Variants in DISC1 observed in about 807,000 individuals in gnomAD.
DISC1 encodes the protein disrupted in schizophrenia 1 protein.
A neutral mutation model predicts 84.5 loss-of-function variants in DISC1; 57 were observed. The observed-to-expected ratio is 0.67, with a 90% CI of 0.55 to 0.84. The LOEUF is 0.84. DISC1 is among the 40% of genes least tolerant of loss of function. DISC1 has a pLI of 0.00. For synonymous variants in DISC1, 411 were observed against 415.2 expected, an observed-to-expected ratio of 0.99 and a Z score of 0.12; for missense variants, 1,000 against 1,057.8, an observed-to-expected ratio of 0.95 and a Z score of 0.76.
At chr1:231,690,671 A>G (rs1301736943) in intron 1 of DISC1, among the ~76,000 whole-genome samples, 1 of 152,342 alleles carries the variant, frequency 6.6e-6, no homozygotes, top group South Asian at 2.1e-4. Context: ...AAAATAAAAA[A>G]GAGGAAAAAA....
rs181059584 is a variant in DISC1 at position 231,690,632 on chromosome 1, G to A, written c.68-3194G>A. The stretch of plus-strand genomic sequence containing the variant: ...GATATGTAAGTGAGAATTGATTCTG[G>A]TCACAGGGGATGTCATAAGTTTCCT... On this transcript the variant is annotated intron_variant, in intron 1 of 12. Coordinates refer to ENST00000439617, the MANE Select transcript of DISC1 (RefSeq NM_018662.3). 5.1e-4 allele frequency among the ~76,000 whole-genome samples: 78 copies of A among 152,290 alleles called. 1 individual carries two copies. The highest frequency in any genetic ancestry group is 4.7e-3 in the Admixed American group (72 of 15,298).
chr1:231,750,245 G>A, intron 4 of DISC1, 169 bp downstream of exon 4: 2 of 1,422,182 alleles, frequency 1.4e-6, no homozygotes, highest in Non-Finnish European at 1.8e-6. Flanking sequence ...GTGAGAGATG[G>A]CCCATGTGGG....
intron 9 of DISC1, among the ~76,000 whole-genome samples, chr1:231,883,107 ATGT>A (rs1291901500): frequency 6.6e-6 from 1 of 152,100 alleles, no homozygotes; most frequent in East Asian, 1.9e-4. Context: ...GCAGAAAGAG[ATGT>A]GCAAGCGAAG....
At chr1:231,842,724 C>T (rs2083164159) in intron 9 of DISC1, among the ~76,000 whole-genome samples, 1 of 152,148 alleles carries the variant, frequency 6.6e-6, no homozygotes, top group Admixed American at 6.5e-5. Flanking sequence ...TGTTTCACTT[C>T]TGTGAGCCTC....
At chr1:231,861,758 C>G (rs934096086) in intron 9 of DISC1, among the ~76,000 whole-genome samples, 2 of 152,080 alleles carry the variant, frequency 1.3e-5, no homozygotes, top group Non-Finnish European at 2.9e-5. Context: ...TTAGTATGCT[C>G]TCTTATTTCT....
intron 10 of DISC1, among the ~76,000 whole-genome samples, chr1:231,990,637 A>T (rs1261620489): frequency 6.6e-6 from 1 of 152,122 alleles, no homozygotes; most frequent in Admixed American, 6.6e-5. Context: ...GTGGGCTGCC[A>T]TTCTTAAAGG....
At chr1:231,709,864 G>T (rs1402440576) in intron 3 of DISC1, among the ~76,000 whole-genome samples, 1 of 152,306 alleles carries the variant, frequency 6.6e-6, no homozygotes, top group East Asian at 1.9e-4. Flanking sequence ...GAGTCCGGTT[G>T]ATGAAGCAGA....
intron 8 of DISC1, among the ~76,000 whole-genome samples, chr1:231,805,466 C>T (rs2079627642): frequency 6.6e-6 from 1 of 151,988 alleles, no homozygotes; most frequent in Non-Finnish European, 1.5e-5. Context: ...ACCAGCACTT[C>T]ACACGGCCAG....
intron 4 of DISC1, among the ~76,000 whole-genome samples, chr1:231,756,613 T>G (rs2075165138): frequency 6.6e-6 from 1 of 151,336 alleles, no homozygotes; most frequent in African/African-American, 2.4e-5. Flanking sequence ...AAATGCTCCT[T>G]CAGCTTTTCT....
At chr1:232,014,825 T>C (rs1168472340) in intron 11 of DISC1, among the ~76,000 whole-genome samples, 1 of 152,226 alleles carries the variant, frequency 6.6e-6, no homozygotes, top group African/African-American at 2.4e-5. Context: ...CCCCTCTCTC[T>C]TAAATGTTAT....
intron 9 of DISC1, among the ~76,000 whole-genome samples, chr1:231,832,311 T>G (rs1238246223): frequency 3.3e-5 from 5 of 151,378 alleles, no homozygotes; most frequent in East Asian, 2.0e-4. Context: ...ACATGAGGGC[T>G]AGGCTAAAAC....
chr1:231,731,348 C>G (rs966470929), intron 3 of DISC1, among the ~76,000 whole-genome samples: 4 of 152,178 alleles, frequency 2.6e-5, no homozygotes, highest in African/African-American at 9.6e-5. Context: ...ATATTTATAC[C>G]TACTTTTAAT....
chr1:231,918,378 T>C (rs967594230), intron 9 of DISC1, among the ~76,000 whole-genome samples: 3 of 152,246 alleles, frequency 2.0e-5, no homozygotes, highest in South Asian at 2.1e-4. Flanking sequence ...ATCAATAACG[T>C]TCATACATAC....
intron 12 of DISC1, among the ~76,000 whole-genome samples, chr1:232,028,610 A>C (rs1669703298): frequency 6.6e-6 from 1 of 152,154 alleles, no homozygotes; most frequent in South Asian, 2.1e-4. Context: ...GATAACATAC[A>C]CCTCTAAGGT....
intron 1 of DISC1, among the ~76,000 whole-genome samples, chr1:231,632,765 T>A (rs2058835038): frequency 6.6e-6 from 1 of 152,142 alleles, no homozygotes; most frequent in Non-Finnish European, 1.5e-5. Flanking sequence ...TGAGCTATGA[T>A]GGCTCTTAAA....
intron 8 of DISC1, 106 bp from the exon 9 acceptor site, chr1:231,818,222 GT>G (rs2081224313): frequency 1.7e-6 from 2 of 1,161,780 alleles, no homozygotes; most frequent in Non-Finnish European, 2.6e-6. Context: ...TCAAAGTGCA[GT>G]TTCTTTGCCC....
chr1:231,705,118 C>T (rs1425699517), intron 3 of DISC1, among the ~76,000 whole-genome samples: 1 of 151,084 alleles, frequency 6.6e-6, no homozygotes, highest in African/African-American at 2.4e-5. Flanking sequence ...GAAACCCCGT[C>T]TCTACTAAAA....
At chr1:231,970,601 T>C (rs1661807532) in intron 10 of DISC1, among the ~76,000 whole-genome samples, 1 of 152,176 alleles carries the variant, frequency 6.6e-6, no homozygotes, top group Non-Finnish European at 1.5e-5. Flanking sequence ...AATTCAACAC[T>C]TAATCAAATG....
chr1:231,809,524 G>T (rs201667420), intron 8 of DISC1, among the ~76,000 whole-genome samples: 77 of 123,762 alleles, frequency 6.2e-4, no homozygotes, highest in Admixed American at 5.9e-4. Context: ...TTTTTTTTTT[G>T]AAAAAAAAAA....
Sources: allele counts gnomAD v4.1 joint callset (sites outside exome capture counted in the v4.1 genomes callset), GRCh38; gene constraint gnomAD v4.1.1; transcripts MANE v1.5; gene names NCBI Gene and HGNC (gene_info 2026-07-23, HGNC 2026-07-21).